TMEM245: variants seen among roughly 807,000 people sequenced by gnomAD.
TMEM245 encodes the protein protein CG-2.
In TMEM245, 69 loss-of-function variants were observed where a neutral mutation model predicts 101.2. The ratio of observed to expected loss-of-function variants is 0.68; its 90% CI spans 0.56 to 0.83. The LOEUF is 0.83. Ranked by LOEUF, TMEM245 falls within the 40% of genes least tolerant of loss-of-function variation. The probability of loss-of-function intolerance (pLI) is 0.00; values close to 1 mark genes in which losing one functional copy is unlikely to be tolerated. For synonymous variants in TMEM245, 537 were observed against 449.8 expected, an observed-to-expected ratio of 1.19 and a Z score of -2.45; for missense variants, 1,075 against 1,092.8, an observed-to-expected ratio of 0.98 and a Z score of 0.23.
chr9:109,083,721 C>T (rs1010613663), intron 7 of TMEM245, among the ~76,000 whole-genome samples: 2 of 151,122 alleles, frequency 1.3e-5, no homozygotes, highest in African/African-American at 4.9e-5. Flanking sequence ...TGTTTTTAAA[C>T]AAAATTCCAC....
chr9:109,055,567 G>GA (rs1376890795), intron 12 of TMEM245, among the ~76,000 whole-genome samples: 1 of 151,188 alleles, frequency 6.6e-6, no homozygotes, highest in Non-Finnish European at 1.5e-5. Context: ...GGATGGTTCA[G>GA]AAAAAAGAGC....
At chr9:109,045,555 A>G (rs543416342) in intron 14 of TMEM245, among the ~76,000 whole-genome samples, 246 of 152,338 alleles carry the variant, frequency 1.6e-3, no homozygotes, top group Middle Eastern at 3.4e-3. Flanking sequence ...GTGATTGTGG[A>G]TGCTTACTCT....
At position 109,108,665 on chromosome 9, in the gene TMEM245, C is replaced by T; in HGVS notation, c.580-95G>A. On this transcript the variant is annotated intron_variant, in intron 1 of 17. Coordinates refer to ENST00000374586, the MANE Select transcript of TMEM245 (RefSeq NM_032012.4). ...TGTAAGTGTCTATACAGCAGGAATG[C>T]TCTGGACATAGCACAGAAAAGATGA... The T allele has an allele frequency of 4.8e-6, 4 of 825,088 alleles. No individual in the cohort carries two copies. In the South Asian group the frequency reaches 9.1e-5, roughly 19 times the overall value. 51.1% of individuals were successfully genotyped at this position (825,088 alleles called of 1,614,324 possible).
At chr9:109,027,187 C>T (rs764153878) in intron 17 of TMEM245, among the ~76,000 whole-genome samples, 5 of 152,036 alleles carry the variant, frequency 3.3e-5, no homozygotes, top group South Asian at 2.1e-4. Flanking sequence ...CAAGTAACTC[C>T]GGAAGTAGGG....
At position 109,119,733 on chromosome 9, in the gene TMEM245, G is replaced by C; in HGVS notation, c.181C>G (p.Leu61Val). ...KQAFYNTGAV[L>V]FVCLCCGAAV... Reference sequence around the variant, plus strand: ...GCGCCGCAGCACAGGCACACGAACAGCACGGCCCCGGTGTTGTAGAAGGCC... The same window carrying C: ...GCGCCGCAGCACAGGCACACGAACACCACGGCCCCGGTGTTGTAGAAGGCC... The change falls in exon 1 of 18, where the codon CTG becomes GTG. Residue 61 changes from leucine to valine, a missense_variant. Transcript: ENST00000374586. 6.5e-7 allele frequency: 1 copy of C among 1,540,558 alleles called. No individual in the cohort carries two copies. Among genetic ancestry groups the C allele is most frequent in the East Asian group, 2.6e-5 (1 of 39,128 alleles).
intron 14 of TMEM245, among the ~76,000 whole-genome samples, chr9:109,041,222 T>C (rs150457720): frequency 6.6e-6 from 1 of 152,132 alleles, no homozygotes; most frequent in Non-Finnish European, 1.5e-5. Context: ...GCACAGTAGA[T>C]GCTCAATAAG....
intron 15 of TMEM245, 41 bp from the exon 16 acceptor site, chr9:109,036,421 C>CA: frequency 6.6e-7 from 1 of 1,521,754 alleles, no homozygotes; most frequent in Non-Finnish European, 8.8e-7. Context: ...ACATCATCAG[C>CA]AAAACACTAA....
intron 3 of TMEM245, among the ~76,000 whole-genome samples, chr9:109,094,230 G>A (rs1830080959): frequency 6.6e-6 from 1 of 152,196 alleles, no homozygotes; most frequent in Non-Finnish European, 1.5e-5. Flanking sequence ...ACATTCACTG[G>A]CAAAGGAAGT....
chr9:109,119,241 C>T, intron 1 of TMEM245, 94 bp downstream of exon 1: 1 of 1,226,558 alleles, frequency 8.2e-7, no homozygotes, highest in African/African-American at 1.6e-5. Context: ...TGTGGCCCCT[C>T]GTCGCCCCTG....
Position 109,119,909 on chromosome 9 carries a change from G to C in TMEM245, c.5C>G (p.Ala2Gly). M[A>G]DGGGPKDAPS... Reference sequence around the variant, plus strand: ...CGCGTCCTTAGGGCCGCCGCCGTCGGCCATCGTTCCTCCGCCACAGCCGCC... The same window carrying C: ...CGCGTCCTTAGGGCCGCCGCCGTCGCCCATCGTTCCTCCGCCACAGCCGCC... Residue 2 changes from alanine to glycine, a missense_variant, in exon 1 of 18, where the codon GCC becomes GGC. Ala to Gly is a moderately conservative substitution (Grantham distance 60). Coordinates refer to ENST00000374586, the MANE Select transcript of TMEM245 (RefSeq NM_032012.4). 2 of 1,276,032 alleles carry C rather than the reference G, an allele frequency of 1.6e-6. No homozygotes were observed. Among genetic ancestry groups the C allele is most frequent in the Non-Finnish European group, 9.8e-7 (1 of 1,016,050 alleles). 79.0% of individuals were successfully genotyped at this position (1,276,032 alleles called of 1,614,324 possible). A position where few individuals can be genotyped will look rare whatever the true frequency, so the allele number is the denominator to read the frequency against.
chr9:109,034,217 T>G (rs1588021518), intron 16 of TMEM245, among the ~76,000 whole-genome samples: 1 of 152,216 alleles, frequency 6.6e-6, no homozygotes, highest in African/African-American at 2.4e-5. Context: ...GTTTCTAGTT[T>G]TAAACATAGA....
intron 14 of TMEM245, among the ~76,000 whole-genome samples, chr9:109,046,634 A>T (rs1202507813): frequency 6.6e-6 from 1 of 152,196 alleles, no homozygotes; most frequent in Non-Finnish European, 1.5e-5. Context: ...TTATTCACAG[A>T]TCATATAAAT....
intron 8 of TMEM245, among the ~76,000 whole-genome samples, chr9:109,077,633 T>C (rs1588056061): frequency 6.6e-6 from 1 of 152,226 alleles, no homozygotes; most frequent in Admixed American, 6.5e-5. Context: ...GTAACTGTTA[T>C]CTTATGTCAA....
At chr9:109,081,046 A>G (rs1375514394) in intron 7 of TMEM245, 103 bp from the exon 8 acceptor site, 5 of 748,028 alleles carry the variant, frequency 6.7e-6, no homozygotes, top group Non-Finnish European at 1.1e-5. Context: ...CAGCATGGCA[A>G]AGCAAATTAT....
At chr9:109,025,957 A>G (rs1036771200) in intron 17 of TMEM245, among the ~76,000 whole-genome samples, 16 of 152,368 alleles carry the variant, frequency 1.1e-4, no homozygotes, top group Non-Finnish European at 2.2e-4. Flanking sequence ...CTGTGTGAAG[A>G]TAGTAGTCTA....
intron 8 of TMEM245, among the ~76,000 whole-genome samples, chr9:109,074,985 G>C (rs1829454236): frequency 6.6e-6 from 1 of 152,116 alleles, no homozygotes; most frequent in Admixed American, 6.5e-5. Context: ...GCATTTTGTG[G>C]GATATGGAAA....
intron 1 of TMEM245, among the ~76,000 whole-genome samples, chr9:109,111,032 T>C (rs775730137): frequency 8.7e-5 from 13 of 150,138 alleles, no homozygotes; most frequent in African/African-American, 2.7e-4. Flanking sequence ...GGAAAGGAAA[T>C]AGAAATCACA....
intron 1 of TMEM245, among the ~76,000 whole-genome samples, chr9:109,109,171 A>G (rs1830504836): frequency 6.6e-6 from 1 of 152,174 alleles, no homozygotes; most frequent in African/African-American, 2.4e-5. Context: ...CCTGAAAAAA[A>G]TATTATTAGA....
intron 9 of TMEM245, among the ~76,000 whole-genome samples, chr9:109,066,206 C>A (rs1282237330): frequency 1.3e-5 from 2 of 152,116 alleles, no homozygotes; most frequent in Non-Finnish European, 2.9e-5. Context: ...GTAATCCCAG[C>A]ACTTTGGGAG....
Sources: allele counts gnomAD v4.1 joint callset (sites outside exome capture counted in the v4.1 genomes callset), GRCh38; gene constraint gnomAD v4.1.1; transcripts MANE v1.5; gene names NCBI Gene and HGNC (gene_info 2026-07-23, HGNC 2026-07-21).